Variants in PCSK2 observed in about 807,000 individuals in gnomAD.
PCSK2 encodes proprotein convertase subtilisin/kexin type 2.
PCSK2 carries 14 observed loss-of-function variants against 69.7 expected under a neutral mutation model. The observed-to-expected ratio is 0.20, with a 90% CI of 0.13 to 0.31. PCSK2 has a LOEUF of 0.31. Ranked by LOEUF, PCSK2 falls within the 10% of genes least tolerant of loss-of-function variation. The pLI, the probability that PCSK2 is intolerant of heterozygous loss-of-function variation, is 1.00. For synonymous variants in PCSK2, 307 were observed against 320.7 expected (o/e 0.96, Z 0.46); for missense variants, 544 against 842.5 (o/e 0.65, Z 4.39).
intron 2 of PCSK2, among the ~76,000 whole-genome samples, chr20:17,268,155 G>C (rs985184698): frequency 1.3e-5 from 2 of 150,630 alleles, no homozygotes; most frequent in African/African-American, 4.9e-5. Context: ...TTTAGTTGTT[G>C]GCTAGAAAAC....
At chr20:17,441,773 C>T (rs938287466) in intron 8 of PCSK2, among the ~76,000 whole-genome samples, 1 of 152,018 alleles carries the variant, frequency 6.6e-6, no homozygotes, top group Non-Finnish European at 1.5e-5. Context: ...GGGTCCTTCC[C>T]ACAACATGTG....
chr20:17,243,801 T>G (rs758935155), intron 1 of PCSK2, among the ~76,000 whole-genome samples: 8 of 151,852 alleles, frequency 5.3e-5, no homozygotes, highest in Non-Finnish European at 1.0e-4. Flanking sequence ...ATGATCCCAA[T>G]TGAGAGACAG....
At chr20:17,409,852 C>T (rs1048169910) in intron 6 of PCSK2, among the ~76,000 whole-genome samples, 1 of 152,198 alleles carries the variant, frequency 6.6e-6, no homozygotes, top group East Asian at 1.9e-4. Flanking sequence ...ACTACCCAAA[C>T]AGTCCATCCA....
At chr20:17,228,685 T>C (rs552549008) in intron 1 of PCSK2, among the ~76,000 whole-genome samples, 2 of 152,276 alleles carry the variant, frequency 1.3e-5, no homozygotes, top group South Asian at 4.1e-4. Flanking sequence ...TATTAGTCTC[T>C]TCTGTCCTGA....
At chr20:17,319,852 C>G (rs1347758299) in intron 2 of PCSK2, among the ~76,000 whole-genome samples, 3 of 152,128 alleles carry the variant, frequency 2.0e-5, no homozygotes, top group African/African-American at 7.2e-5. Context: ...AACTTAAATT[C>G]AGAAAGGTGA....
At chr20:17,342,826 CT>C (rs907872135) in intron 2 of PCSK2, among the ~76,000 whole-genome samples, 7 of 150,358 alleles carry the variant, frequency 4.7e-5, no homozygotes, top group South Asian at 4.2e-4. Context: ...TCCTTTTTTT[CT>C]TTTTTTTTGG....
chr20:17,424,065 C>T (rs1352256056), intron 6 of PCSK2, among the ~76,000 whole-genome samples: 1 of 152,162 alleles, frequency 6.6e-6, no homozygotes, highest in African/African-American at 2.4e-5. Context: ...GAAACTATTC[C>T]TTATGGGTAC....
At chr20:17,450,249 C>T (rs1242000750) in intron 8 of PCSK2, among the ~76,000 whole-genome samples, 1 of 151,334 alleles carries the variant, frequency 6.6e-6, no homozygotes, top group Non-Finnish European at 1.5e-5. Flanking sequence ...AGGATGGTCT[C>T]GATCTCCTGA....
intron 6 of PCSK2, among the ~76,000 whole-genome samples, chr20:17,427,161 G>C (rs574068463): frequency 6.6e-6 from 1 of 152,252 alleles, no homozygotes; most frequent in Non-Finnish European, 1.5e-5. Context: ...GATTTAATAG[G>C]ATAATACATG....
intron 8 of PCSK2, among the ~76,000 whole-genome samples, chr20:17,446,567 C>G (rs942609990): frequency 2.3e-4 from 35 of 152,298 alleles, no homozygotes; most frequent in Non-Finnish European, 2.6e-4. Context: ...CAATGACTAC[C>G]ACAATGTGTA....
intron 2 of PCSK2, among the ~76,000 whole-genome samples, chr20:17,313,388 A>T (rs1989577748): frequency 6.6e-6 from 1 of 150,672 alleles, no homozygotes; most frequent in Non-Finnish European, 1.5e-5. Context: ...TCCCCCTCCC[A>T]CTCCTGCTGC....
In PCSK2 at chr20:17,260,308, C is replaced by G. The variant is rs142043415; in HGVS notation, c.246C>G (p.Ser82Arg). ...TTGCAAAGGCCAAGAGAAGACGCAG[C>G]CTACACCACAAGCAGCAGCTGGAGA... is the stretch of plus-strand genomic sequence containing the variant. ...NGLAKAKRRR[S>R]LHHKQQLERD... The change falls in exon 2 of 12, where the codon AGC becomes AGG. Residue 82 changes from serine (S) to arginine (R), a missense_variant. Transcript: ENST00000262545. 3.1e-6 allele frequency: 5 copies of G among 1,613,562 alleles called. No homozygotes were observed. Among genetic ancestry groups the G allele is most frequent in the Non-Finnish European group, 4.2e-6 (5 of 1,179,592 alleles).
intron 5 of PCSK2, among the ~76,000 whole-genome samples, chr20:17,391,956 G>GGAAGGA (rs2031391394): frequency 6.9e-6 from 1 of 144,950 alleles, no homozygotes; most frequent in Non-Finnish European, 1.5e-5. Context: ...AAGGGGAAGG[G>GGAAGGA]AAAGAAGGAA....
chr20:17,251,375 G>GA (rs1986972265), intron 1 of PCSK2, among the ~76,000 whole-genome samples: 1 of 152,168 alleles, frequency 6.6e-6, no homozygotes, highest in African/African-American at 2.4e-5. Context: ...TTGCCATGGG[G>GA]AATATGGCTT....
chr20:17,273,947 G>T (rs571105633), intron 2 of PCSK2, among the ~76,000 whole-genome samples: 1 of 152,206 alleles, frequency 6.6e-6, no homozygotes, highest in South Asian at 2.1e-4. Flanking sequence ...ACTTGTAAAT[G>T]CCTCAGCTTG....
chr20:17,290,060 A>T (rs1192094443), intron 2 of PCSK2, among the ~76,000 whole-genome samples: 3 of 152,216 alleles, frequency 2.0e-5, no homozygotes, highest in Admixed American at 6.5e-5. Context: ...TCTGTCATCA[A>T]TTTGGCAGGT....
At chr20:17,479,515 T>C in intron 11 of PCSK2, 1 of 383,230 alleles carries the variant, frequency 2.6e-6, no homozygotes, top group South Asian at 2.4e-5. Flanking sequence ...ACAAGAATCA[T>C]ACGGCCGGGC....
chr20:17,239,191 C>A (rs889796168), intron 1 of PCSK2, among the ~76,000 whole-genome samples: 1 of 152,160 alleles, frequency 6.6e-6, no homozygotes, highest in Non-Finnish European at 1.5e-5. Flanking sequence ...TTGCCTTTAG[C>A]TTCTCCTCTA....
intron 11 of PCSK2, among the ~76,000 whole-genome samples, chr20:17,475,192 G>A (rs1325653729): frequency 2.0e-5 from 3 of 151,840 alleles, no homozygotes; most frequent in African/African-American, 7.3e-5. Context: ...CAGTTGTCCC[G>A]CTTGGGGGCA....
Sources: gnomAD v4.1 joint callset for allele counts (sites outside exome capture counted in the v4.1 genomes callset) on GRCh38, gnomAD v4.1.1 for gene constraint, MANE v1.5 for transcripts, NCBI Gene and HGNC (gene_info 2026-07-23, HGNC 2026-07-21) for gene names.